GOLGB1: variants seen among roughly 807,000 people sequenced by gnomAD.
GOLGB1 encodes golgin B1, also known as golgin subfamily B member 1.
A neutral mutation model predicts 336.9 loss-of-function variants in GOLGB1; 174 were observed. That is an observed-to-expected ratio of 0.52 (90% confidence interval 0.46 to 0.59). The LOEUF (loss-of-function observed/expected upper bound fraction) is 0.59, where lower values mean the gene tolerates loss of function less well. Ranked by LOEUF, GOLGB1 falls within the 20% of genes least tolerant of loss-of-function variation. GOLGB1 has a pLI of 0.00. For missense variants in GOLGB1, 3,331 were observed against 3,645.3 expected, an observed-to-expected ratio of 0.91 and a Z score of 2.22; for synonymous variants, 1,208 against 1,289.2, an observed-to-expected ratio of 0.94 and a Z score of 1.35.
At chr3:121,748,483 G>A (rs1229501214) in intron 1 of GOLGB1, among the ~76,000 whole-genome samples, 2 of 152,124 alleles carry the variant, frequency 1.3e-5, no homozygotes, top group Non-Finnish European at 2.9e-5. Context: ...TGTGGTCAAG[G>A]GATGAGAAGT....
chr3:121,685,482 C>CT (rs1340713290), intron 14 of GOLGB1, among the ~76,000 whole-genome samples: 2 of 152,070 alleles, frequency 1.3e-5, no homozygotes, highest in East Asian at 3.9e-4. Flanking sequence ...GTGCAGTGAG[C>CT]TGAGATGGCG....
chr3:121,671,008 C>A (rs1191151219), intron 17 of GOLGB1, among the ~76,000 whole-genome samples: 1 of 152,198 alleles, frequency 6.6e-6, no homozygotes. Flanking sequence ...CCAGGGCCTG[C>A]TGCCCTTTTA....
intron 6 of GOLGB1, among the ~76,000 whole-genome samples, chr3:121,720,787 G>A (rs571611401): frequency 1.4e-4 from 21 of 152,058 alleles, no homozygotes; most frequent in African/African-American, 2.9e-4. Context: ...TGCTCACACC[G>A]TTCCCCATCA....
Position 121,691,790 on chromosome 3 carries a change from T to C in GOLGB1, c.7574A>G (p.Asp2525Gly). 1.2e-6 allele frequency: 2 copies of C among 1,613,810 alleles called. No individual in the cohort carries two copies. Among genetic ancestry groups the C allele is most frequent in the East Asian group, 2.2e-5 (1 of 44,884 alleles). Residue 2525 changes from aspartate to glycine, a missense_variant, in exon 14 of 22, where the codon GAT becomes GGT. Transcript: ENST00000614479. ...EEIRGLRSHM[D>G]DLNSENAKLD... The stretch of plus-strand genomic sequence containing the variant: ...CTTGGCATTCTCAGAATTGAGATCA[T>C]CCATATGACTTCTCAAGCCTCGTAT...
At chr3:121,717,205 G>A (rs1223714916) in intron 8 of GOLGB1, 66 bp from the exon 9 acceptor site, 3 of 1,318,958 alleles carry the variant, frequency 2.3e-6, no homozygotes, top group Admixed American at 2.4e-5. Context: ...GCATTGTAAA[G>A]TGCTTTTTCT....
chr3:121,724,914 T>G (rs1208017611), intron 5 of GOLGB1, among the ~76,000 whole-genome samples: 1 of 152,208 alleles, frequency 6.6e-6, no homozygotes, highest in Admixed American at 6.5e-5. Context: ...GCCGCAGGTA[T>G]GGCTCATGTC....
intron 14 of GOLGB1, among the ~76,000 whole-genome samples, chr3:121,683,053 ATTTTTTTTTTTTTTTT>A (rs746649684): frequency 2.4e-5 from 2 of 82,496 alleles, no homozygotes; most frequent in Non-Finnish European, 2.4e-5. Flanking sequence ...ATTTCTTTTA[ATTTTTTTTTTTTTTTT>A]TTTTTTTTTT....
chr3:121,677,866 G>A (rs573077483), intron 15 of GOLGB1, among the ~76,000 whole-genome samples: 3 of 152,194 alleles, frequency 2.0e-5, no homozygotes, highest in African/African-American at 7.2e-5. Flanking sequence ...GCTCTGATAC[G>A]GTACCAATCA....
chr3:121,671,225 G>A (rs148631542), intron 17 of GOLGB1, among the ~76,000 whole-genome samples: 247 of 152,276 alleles, frequency 1.6e-3, no homozygotes, highest in African/African-American at 5.8e-3. Context: ...ATCTATACCT[G>A]TAAAAACAAA....
At chr3:121,703,802 A>C (rs535240129) in intron 10 of GOLGB1, among the ~76,000 whole-genome samples, 1 of 152,218 alleles carries the variant, frequency 6.6e-6, no homozygotes, top group Non-Finnish European at 1.5e-5. Flanking sequence ...AAAAAAATAT[A>C]ATCAACAGAT....
chr3:121,712,999 T>C (rs1230963070), intron 10 of GOLGB1, among the ~76,000 whole-genome samples: 5 of 152,004 alleles, frequency 3.3e-5, no homozygotes, highest in Admixed American at 6.6e-5. Context: ...CTGTCTCTAC[T>C]AAAAATACAA....
intron 21 of GOLGB1, 22 bp from the exon 22 acceptor site, chr3:121,664,636 CAG>C (rs753340966): frequency 1.6e-5 from 26 of 1,612,298 alleles, no homozygotes; most frequent in Non-Finnish European, 1.9e-5. Flanking sequence ...ATGTGAAAGT[CAG>C]AGAGTTTTCA....
intron 5 of GOLGB1, among the ~76,000 whole-genome samples, chr3:121,724,371 T>A (rs1431134495): frequency 6.6e-6 from 1 of 152,172 alleles, no homozygotes; most frequent in Non-Finnish European, 1.5e-5. Flanking sequence ...AAGCCCAGCC[T>A]TGCTATAAAT....
chr3:121,741,597 C>T (rs1946863551), intron 1 of GOLGB1, among the ~76,000 whole-genome samples: 1 of 151,968 alleles, frequency 6.6e-6, no homozygotes, highest in Admixed American at 6.6e-5. Context: ...TATGGATACA[C>T]TAATTCTGTA....
At chr3:121,709,551 C>G (rs1374069334) in intron 10 of GOLGB1, among the ~76,000 whole-genome samples, 1 of 152,096 alleles carries the variant, frequency 6.6e-6, no homozygotes, top group Non-Finnish European at 1.5e-5. Context: ...TATTCTACAA[C>G]AACGTGTTTA....
At chr3:121,720,163 G>A (rs541066203) in intron 6 of GOLGB1, among the ~76,000 whole-genome samples, 4 of 152,278 alleles carry the variant, frequency 2.6e-5, no homozygotes, top group African/African-American at 9.6e-5. Context: ...AAAGCTTTCA[G>A]TAAAATTCTC....
Position 121,692,483 on chromosome 3 carries a change from A to C in GOLGB1, c.6881T>G (p.Leu2294Arg). Residue 2294 changes from leucine to arginine, a missense_variant, in exon 14 of 22, where the codon CTT becomes CGT. By Grantham distance (102) the Leu-to-Arg change is moderately radical (BLOSUM62 -2). Coordinates refer to ENST00000614479, the MANE Select transcript of GOLGB1 (RefSeq NM_001366282.2). Reference sequence around the variant, plus strand: ...GCGTGTCTCTTCTAGCTGGGACAAAAGTTCTTTGTTTTCCCCCTGTAGAGT... The same window carrying C: ...GCGTGTCTCTTCTAGCTGGGACAAACGTTCTTTGTTTTCCCCCTGTAGAGT... ...CDTLQGENKE[L>R]LSQLEETRHL... 1 of 1,614,008 alleles carries C rather than the reference A, an allele frequency of 6.2e-7. No homozygotes were observed. The highest frequency in any genetic ancestry group is 2.2e-5 in the East Asian group (1 of 44,872).
intron 10 of GOLGB1, among the ~76,000 whole-genome samples, chr3:121,703,767 GGAAA>G (rs1472201331): frequency 2.0e-5 from 3 of 151,946 alleles, no homozygotes; most frequent in African/African-American, 7.3e-5. Context: ...TAAAGAAATA[GGAAA>G]GAGTGACCCA....
intron 1 of GOLGB1, among the ~76,000 whole-genome samples, chr3:121,744,345 GC>G (rs1276609403): frequency 6.7e-6 from 1 of 149,428 alleles, no homozygotes; most frequent in African/African-American, 2.5e-5. Flanking sequence ...GGTGGCTCAC[GC>G]CTGTAATCCC....
Sources: allele counts gnomAD v4.1 joint callset (sites outside exome capture counted in the v4.1 genomes callset), GRCh38; gene constraint gnomAD v4.1.1; transcripts MANE v1.5; gene names NCBI Gene and HGNC (gene_info 2026-07-23, HGNC 2026-07-21).